The following PLCZ1 variants were observed in gnomAD, a reference collection of about 807,000 sequenced individuals.
PLCZ1 encodes 1-phosphatidylinositol 4,5-bisphosphate phosphodiesterase zeta-1.
A neutral mutation model predicts 76.8 loss-of-function variants in PLCZ1; 64 were observed. The ratio of observed to expected loss-of-function variants is 0.83; its 90% CI spans 0.68 to 1.03. The LOEUF (loss-of-function observed/expected upper bound fraction) is 1.03. Ranked by LOEUF, PLCZ1 falls within the 50% of genes least tolerant of loss-of-function variation. The pLI, the probability that PLCZ1 is intolerant of heterozygous loss-of-function variation, is 0.00. For missense variants in PLCZ1, 751 were observed against 713.7 expected (o/e 1.05, Z -0.60); for synonymous variants, 248 against 230.8 (o/e 1.07, Z -0.68).
Position 18,730,137 on chromosome 12 carries a change from G to C in PLCZ1, c.135+6084C>G, listed in dbSNP as rs548362854. Among the ~76,000 whole-genome samples the C allele has an allele frequency of 5.5e-4, 83 of 152,194 alleles. 1 individual carries two copies. Among genetic ancestry groups the C allele is most frequent in the African/African-American group, 1.9e-3 (80 of 41,550 alleles). On this transcript the variant is annotated intron_variant, in intron 3 of 14. Coordinates refer to ENST00000266505, the MANE Select transcript of PLCZ1 (RefSeq NM_033123.4). ...TAACTTGCCAAGTAGTAAACAGCTA[G>C]GATGTCTTACAGCCAAGAATCTCTA...
chr12:18,697,411 C>T (rs529836026), intron 10 of PLCZ1, among the ~76,000 whole-genome samples: 1 of 152,096 alleles, frequency 6.6e-6, no homozygotes, highest in East Asian at 1.9e-4. Flanking sequence ...CTAGTCCTAA[C>T]AGATGTCTGT....
In PLCZ1 at chr12:18,689,384, C is replaced by G. The variant is rs533390907; in HGVS notation, c.1462-1166G>C. 2.0e-5 allele frequency among the ~76,000 whole-genome samples: 3 copies of G among 152,292 alleles called. No homozygotes were observed. In the South Asian group the frequency reaches 6.2e-4, roughly 32 times the overall value. On this transcript the variant is annotated intron_variant, in intron 12 of 14. Coordinates refer to ENST00000266505, the MANE Select transcript of PLCZ1 (RefSeq NM_033123.4). ...GCGGGCCACATGTGGCCCATGGTGGCTTTGAATGCGGCCCAACGCAAATTC... is the reference window on the plus strand; with the variant it reads ...GCGGGCCACATGTGGCCCATGGTGGGTTTGAATGCGGCCCAACGCAAATTC...
At chr12:18,731,722 G>A (rs10770395) in intron 3 of PLCZ1, among the ~76,000 whole-genome samples, 70,159 of 151,330 alleles carry the variant, frequency 0.46, 19,890 homozygotes, top group East Asian at 0.66. Context: ...AAAATCATAC[G>A]CAGGATTTTA....
intron 11 of PLCZ1, among the ~76,000 whole-genome samples, chr12:18,695,438 A>G (rs951408052): frequency 6.6e-6 from 1 of 152,184 alleles, no homozygotes; most frequent in African/African-American, 2.4e-5. Context: ...GACATCAACT[A>G]TGTCATAAAT....
chr12:18,662,767 GT>G, the PLCZ1 span, among the ~76,000 whole-genome samples: 1 of 152,064 alleles, frequency 6.6e-6, no homozygotes, highest in South Asian at 2.1e-4. Context: ...AAGTTAAGCT[GT>G]TATAAAATCA....
In PLCZ1 at chr12:18,712,908, G is replaced by A; in HGVS notation, c.648C>T (p.Gly216=). The change falls in exon 6 of 15, where the codon GGC becomes GGT. Residue 216 remains glycine, a synonymous_variant. Coordinates refer to ENST00000266505, the MANE Select transcript of PLCZ1 (RefSeq NM_033123.4). ...GAQNEPVVYH[G]YTLTSKLLFK... The stretch of plus-strand genomic sequence containing the variant: ...ACAGAAGTTTGCTTGTGAGTGTGTA[G>A]CCATGATATACAACAGGTTCATTTT... 2 of 1,613,898 alleles carry A rather than the reference G, an allele frequency of 1.2e-6. No individual in the cohort carries two copies. The highest frequency in any genetic ancestry group is 1.7e-6 in the Non-Finnish European group (2 of 1,179,834).
the PLCZ1 span, among the ~76,000 whole-genome samples, chr12:18,653,234 A>C: frequency 6.6e-6 from 1 of 152,282 alleles, no homozygotes; most frequent in African/African-American, 2.4e-5. Flanking sequence ...GAGGAAATGG[A>C]TTATTGAGAA....
chr12:18,730,530 C>T (rs1958988175), intron 3 of PLCZ1, among the ~76,000 whole-genome samples: 1 of 152,058 alleles, frequency 6.6e-6, no homozygotes, highest in Middle Eastern at 3.4e-3. Flanking sequence ...TTGAAGTATT[C>T]TTAGCAAACT....
At chr12:18,685,617 A>C (rs552792024) in intron 13 of PLCZ1, 7 of 516,404 alleles carry the variant, frequency 1.4e-5, no homozygotes, top group South Asian at 9.8e-5. Flanking sequence ...GAAATAGTAA[A>C]CTAATTGGCT....
Position 18,694,998 on chromosome 12 carries a change from A to G in PLCZ1, c.1373T>C (p.Ile458Thr). The change falls in exon 12 of 15, where the codon ATT becomes ACT. Residue 458 changes from isoleucine to threonine, a missense_variant. Physicochemically the swap from Ile to Thr is moderately conservative, Grantham distance 89. Transcript: ENST00000266505. ...KFLDNGGSGY[I>T]LKPHFLRESK... Reference sequence around the variant, plus strand: ...CTCTCTTAAGAAATGTGGTTTCAAAATATATCCAGAACCACCATTATCCAA... The same window carrying G: ...CTCTCTTAAGAAATGTGGTTTCAAAGTATATCCAGAACCACCATTATCCAA... 1 of 1,611,108 alleles carries G rather than the reference A, an allele frequency of 6.2e-7. No individual in the cohort carries two copies. The highest frequency in any genetic ancestry group is 8.5e-7 in the Non-Finnish European group (1 of 1,177,520).
At position 18,723,417 on chromosome 12, in the gene PLCZ1, A is replaced by C. The variant is rs776171813; in HGVS notation, c.261T>G (p.Leu87=). The C allele has an allele frequency of 5.6e-6, 9 of 1,612,952 alleles. No individual in the cohort carries two copies. The highest frequency in any genetic ancestry group is 5.3e-5 in the African/African-American group (4 of 74,880). The change falls in exon 4 of 15, where the codon CTT becomes CTG. Residue 87 remains leucine, a synonymous_variant. Transcript: ENST00000266505. ...FNTYSENRKI[L]LASNLAQFLT... ...GAAATTGAGCCAGATTACTTGCTAA[A>C]AGAATTTTCCGGTTTTCAGAATATG...
At chr12:18,710,788 C>T (rs1476351822) in intron 6 of PLCZ1, among the ~76,000 whole-genome samples, 1 of 152,132 alleles carries the variant, frequency 6.6e-6, no homozygotes, top group African/African-American at 2.4e-5. Flanking sequence ...AAAAAATGCT[C>T]ATCATCACTG....
At chr12:18,648,138 A>G in the PLCZ1 span, 2 of 514,756 alleles carry the variant, frequency 3.9e-6, no homozygotes, top group Non-Finnish European at 6.4e-6. Context: ...AGCACAGGGT[A>G]TTAAGGACAC....
Position 18,716,007 on chromosome 12 carries a change from C to A in PLCZ1, c.570-3021G>T, listed in dbSNP as rs76174563. 4.6e-4 allele frequency among the ~76,000 whole-genome samples: 70 copies of A among 152,218 alleles called. 1 individual carries two copies. The East Asian group carries it at 0.013, about 28-fold the overall frequency. On this transcript the variant is annotated intron_variant, in intron 5 of 14. Coordinates refer to ENST00000266505, the MANE Select transcript of PLCZ1 (RefSeq NM_033123.4). ...AATAAGGCAGAAGTTCTAAATTCGG[C>A]TACATTTGTAGAATTGCAAATGAAT...
At chr12:18,685,204 G>A (rs1275723668) in intron 13 of PLCZ1, among the ~76,000 whole-genome samples, 1 of 152,058 alleles carries the variant, frequency 6.6e-6, no homozygotes, top group East Asian at 1.9e-4. Flanking sequence ...TAGACTAAGT[G>A]CTCCTTTCAA....
intron 10 of PLCZ1, among the ~76,000 whole-genome samples, chr12:18,698,242 C>CTTGTATTCTA (rs1955380705): frequency 6.9e-6 from 1 of 145,402 alleles, no homozygotes; most frequent in African/African-American, 2.6e-5. Context: ...ATACACTTTT[C>CTTGTATTCTA]TTCTATTCTA....
chr12:18,719,845 T>C (rs1958334552), intron 4 of PLCZ1, among the ~76,000 whole-genome samples: 1 of 152,032 alleles, frequency 6.6e-6, no homozygotes, highest in African/African-American at 2.4e-5. Flanking sequence ...GTAAATAATA[T>C]ATTATTTAAT....
At chr12:18,679,388 T>C (rs1452615467), downstream of PLCZ1, among the ~76,000 whole-genome samples, 1 of 152,066 alleles carries the variant, frequency 6.6e-6, no homozygotes, top group African/African-American at 2.4e-5. Flanking sequence ...ACAAAGATAT[T>C]CTATCTGCTT....
At chr12:18,734,523 G>A (rs1472284266) in intron 3 of PLCZ1, among the ~76,000 whole-genome samples, 1 of 152,140 alleles carries the variant, frequency 6.6e-6, no homozygotes, top group East Asian at 1.9e-4. Flanking sequence ...GCTAATTTTT[G>A]TGTTTTTAGT....
Sources: gnomAD v4.1 joint callset for allele counts (sites outside exome capture counted in the v4.1 genomes callset) on GRCh38, gnomAD v4.1.1 for gene constraint, MANE v1.5 for transcripts, NCBI Gene and HGNC (gene_info 2026-07-23, HGNC 2026-07-21) for gene names.